Variants in DRC8 observed in about 807,000 individuals in gnomAD.
DRC8 encodes the protein dynein regulatory complex protein 8.
the DRC8 span, among the ~76,000 whole-genome samples, chr1:245,074,789 T>C: frequency 6.6e-6 from 1 of 152,228 alleles, no homozygotes; most frequent in African/African-American, 2.4e-5. Flanking sequence ...TGCCAATTAA[T>C]TATTGTGATT....
the DRC8 span, among the ~76,000 whole-genome samples, chr1:244,983,231 C>A: frequency 6.6e-6 from 1 of 152,068 alleles, no homozygotes; most frequent in Admixed American, 6.6e-5. Flanking sequence ...TGAATTTTGC[C>A]ATTTCAGTGT....
chr1:245,104,815 T>C, the DRC8 span, among the ~76,000 whole-genome samples: 1 of 152,250 alleles, frequency 6.6e-6, no homozygotes, highest in Admixed American at 6.5e-5. Flanking sequence ...ATGTCCGATA[T>C]GCAATACTTT....
At chr1:245,107,557 G>A in the DRC8 span, among the ~76,000 whole-genome samples, 2 of 152,196 alleles carry the variant, frequency 1.3e-5, no homozygotes, top group Non-Finnish European at 2.9e-5. Context: ...CAGAAGTGCC[G>A]CTGTGGGGCA....
At chr1:245,015,938 C>T in the DRC8 span, among the ~76,000 whole-genome samples, 6 of 149,128 alleles carry the variant, frequency 4.0e-5, no homozygotes, top group South Asian at 2.1e-4. Context: ...AGAGTAAAAG[C>T]CGAAATCCTT....
At chr1:245,015,965 C>CTTTTTTTTTT in the DRC8 span, among the ~76,000 whole-genome samples, 22 of 57,208 alleles carry the variant, frequency 3.8e-4, no homozygotes, top group East Asian at 7.0e-4. Context: ...GCCTACAGGG[C>CTTTTTTTTTT]TTTTTTTTTT....
chr1:245,028,394 G>A, the DRC8 span, among the ~76,000 whole-genome samples: 1 of 152,252 alleles, frequency 6.6e-6, no homozygotes, highest in East Asian at 1.9e-4. Flanking sequence ...TTATTAGTGT[G>A]GAACTTTTCA....
chr1:245,087,636 A>G, the DRC8 span: 3 of 1,060,970 alleles, frequency 2.8e-6, no homozygotes, highest in Non-Finnish European at 3.4e-6. Flanking sequence ...AATAAAACTC[A>G]GGTCACCTTC....
the DRC8 span, among the ~76,000 whole-genome samples, chr1:245,089,560 G>A: frequency 6.6e-6 from 1 of 151,650 alleles, no homozygotes; most frequent in South Asian, 2.1e-4. The surrounding 1 kb of genome is among the most constrained non-coding windows in gnomAD (Gnocchi z 4.8). Context: ...GGAGAGGAGA[G>A]GGAAGTTAAA....
chr1:244,996,516 A>G, the DRC8 span, among the ~76,000 whole-genome samples: 7 of 152,144 alleles, frequency 4.6e-5, no homozygotes, highest in Non-Finnish European at 1.0e-4. Context: ...AGAATTTCGT[A>G]GCCTACTGGG....
At chr1:245,112,638 A>G in the DRC8 span, among the ~76,000 whole-genome samples, 1 of 152,130 alleles carries the variant, frequency 6.6e-6, no homozygotes, top group Non-Finnish European at 1.5e-5. Flanking sequence ...GTCCAGGGGG[A>G]TTAAATAAAT....
At chr1:244,970,643 C>CCCGCCCCGCCCCGCCTCTCTCCT in the DRC8 span, 21 of 56,648 alleles carry the variant, frequency 3.7e-4, no homozygotes, top group Middle Eastern at 3.1e-3. Flanking sequence ...GCCGCTCCGC[C>CCCGCCCCGCCCCGCCTCTCTCCT]CCGCCCCGCC....
the DRC8 span, among the ~76,000 whole-genome samples, chr1:245,043,444 A>G: frequency 2.6e-5 from 4 of 152,054 alleles, no homozygotes; most frequent in South Asian, 6.2e-4. Flanking sequence ...AAGGAAAAAA[A>G]AAAAGAAAGA....
chr1:245,059,525 A>C, the DRC8 span: 2 of 1,395,432 alleles, frequency 1.4e-6, no homozygotes, highest in Non-Finnish European at 2.0e-6. Context: ...GTAATTAAAA[A>C]CAATCCTTAC....
At chr1:245,113,625 C>T in the DRC8 span, among the ~76,000 whole-genome samples, 45 of 152,186 alleles carry the variant, frequency 3.0e-4, no homozygotes, top group African/African-American at 9.9e-4. Flanking sequence ...TCATACAATA[C>T]GAACATTAAC....
chr1:244,976,374 GTTTTCTTCCTGT>G, the DRC8 span, among the ~76,000 whole-genome samples: 1 of 152,108 alleles, frequency 6.6e-6, no homozygotes, highest in African/African-American at 2.4e-5. Flanking sequence ...AATTTAATAA[GTTTTCTTCCTGT>G]TTTAGACCAA....
the DRC8 span, among the ~76,000 whole-genome samples, chr1:245,099,960 C>T: frequency 6.6e-6 from 1 of 152,158 alleles, no homozygotes; most frequent in Non-Finnish European, 1.5e-5. Flanking sequence ...TCACCTCCCT[C>T]ATAATTTTGA....
chr1:244,979,967 G>A, the DRC8 span, among the ~76,000 whole-genome samples: 1 of 148,524 alleles, frequency 6.7e-6, no homozygotes, highest in African/African-American at 2.5e-5. Context: ...CACTTTGGGA[G>A]GCCGAGGCAG....
At chr1:245,068,445 G>A in the DRC8 span, among the ~76,000 whole-genome samples, 645 of 151,716 alleles carry the variant, frequency 4.3e-3, 10 homozygotes, top group African/African-American at 0.015. Flanking sequence ...TGTTGCTATC[G>A]TATTCTTTTT....
the DRC8 span, among the ~76,000 whole-genome samples, chr1:245,048,790 AC>A: frequency 6.6e-6 from 1 of 152,014 alleles, no homozygotes; most frequent in Non-Finnish European, 1.5e-5. Context: ...AAACATTGTA[AC>A]CTTTCCCTGA....
Sources: gnomAD v4.1 joint callset for allele counts (sites outside exome capture counted in the v4.1 genomes callset) on GRCh38, gnomAD v4.1.1 for gene constraint, Gnocchi (gnomAD v3.1) non-coding constraint, MANE v1.5 for transcripts, NCBI Gene and HGNC (gene_info 2026-07-23, HGNC 2026-07-21) for gene names.